RALGAPA2: variants seen among roughly 807,000 people sequenced by gnomAD.
RALGAPA2 encodes ral GTPase-activating protein subunit alpha-2.
In RALGAPA2, 139 loss-of-function variants were observed where a neutral mutation model predicts 230.4. The ratio of observed to expected loss-of-function variants is 0.60; its 90% CI spans 0.53 to 0.69. RALGAPA2 has a LOEUF of 0.69. RALGAPA2 is among the 30% of genes least tolerant of loss of function. The pLI, the probability that RALGAPA2 is intolerant of heterozygous loss-of-function variation, is 0.00. For synonymous variants in RALGAPA2, 847 were observed against 837.8 expected (o/e 1.01, Z -0.19); for missense variants, 2,163 against 2,276.0 (o/e 0.95, Z 1.01).
chr20:20,450,427 G>A (rs966666506), intron 37 of RALGAPA2, among the ~76,000 whole-genome samples: 1 of 152,196 alleles, frequency 6.6e-6, no homozygotes, highest in Non-Finnish European at 1.5e-5. Flanking sequence ...GGTTTAAAAG[G>A]CTAGGATTCA....
At chr20:20,524,684 A>C (rs2063147561) in intron 29 of RALGAPA2, 141 bp from the exon 30 acceptor site, 11 of 1,300,550 alleles carry the variant, frequency 8.5e-6, no homozygotes, top group Non-Finnish European at 1.2e-5. Context: ...AAATAAATAA[A>C]TAAGTAGCAT....
intron 24 of RALGAPA2, among the ~76,000 whole-genome samples, chr20:20,543,893 T>G (rs2063712923): frequency 1.3e-5 from 2 of 149,750 alleles, no homozygotes; most frequent in South Asian, 4.2e-4. Context: ...AAAAATAAAA[T>G]AAAATTAAAA....
rs1463990082 is a variant in RALGAPA2, at chr20:20,563,990, CCTTT to C, written c.3156+7464_3156+7467del. On this transcript the variant is annotated intron_variant, in intron 23 of 39. Transcript: ENST00000202677. ...TGCCCCTGGGCTATTATAATAATTT[CCTTT>C]CTGTGTTTGTTGTCATCATTCTTTC... is the stretch of plus-strand genomic sequence containing the variant. 3.3e-5 allele frequency among the ~76,000 whole-genome samples: 5 copies of C among 152,116 alleles called. No individual in the cohort carries two copies. In the East Asian group the frequency reaches 9.6e-4, roughly 29 times the overall value.
At chr20:20,694,793 G>A (rs2069047808) in intron 1 of RALGAPA2, among the ~76,000 whole-genome samples, 1 of 152,176 alleles carries the variant, frequency 6.6e-6, no homozygotes. Context: ...AGGGAAGAGA[G>A]AGAGAAAGGA....
At chr20:20,584,623 T>C (rs1306949018) in intron 19 of RALGAPA2, among the ~76,000 whole-genome samples, 1 of 152,010 alleles carries the variant, frequency 6.6e-6, no homozygotes, top group Non-Finnish European at 1.5e-5. Flanking sequence ...CTATAAAAAA[T>C]AGAAAAATCA....
chr20:20,431,243 G>A (rs1363181157), intron 37 of RALGAPA2, among the ~76,000 whole-genome samples: 1 of 152,230 alleles, frequency 6.6e-6, no homozygotes, highest in Non-Finnish European at 1.5e-5. Flanking sequence ...GGACTGGAGA[G>A]AGGCCGGAGT....
At chr20:20,410,653 TTAGA>T (rs1394929330) in intron 38 of RALGAPA2, among the ~76,000 whole-genome samples, 1 of 152,238 alleles carries the variant, frequency 6.6e-6, no homozygotes, top group Admixed American at 6.5e-5. Context: ...TGTTTTTGTC[TTAGA>T]TAGAATGTTG....
chr20:20,431,219 C>T (rs1412524075), intron 37 of RALGAPA2, among the ~76,000 whole-genome samples: 1 of 152,150 alleles, frequency 6.6e-6, no homozygotes, highest in Non-Finnish European at 1.5e-5. Context: ...GAACACAGGG[C>T]TCCTTAAGAA....
chr20:20,595,637 G>A (rs1193174630), intron 16 of RALGAPA2, among the ~76,000 whole-genome samples: 1 of 152,154 alleles, frequency 6.6e-6, no homozygotes. Flanking sequence ...ATTGATAAAT[G>A]TTTTAACCTA....
At chr20:20,702,641 G>C (rs2069431150) in intron 1 of RALGAPA2, among the ~76,000 whole-genome samples, 1 of 152,164 alleles carries the variant, frequency 6.6e-6, no homozygotes, top group Admixed American at 6.5e-5. Context: ...TAGATTCAGG[G>C]AGCAGCAGCT....
chr20:20,474,102 G>C (rs532319245), intron 36 of RALGAPA2, among the ~76,000 whole-genome samples: 1 of 152,122 alleles, frequency 6.6e-6, no homozygotes, highest in South Asian at 2.1e-4. Flanking sequence ...TTTTGGGAGG[G>C]GTCTCCAGTT....
chr20:20,449,403 G>A (rs1408523213), intron 37 of RALGAPA2, among the ~76,000 whole-genome samples: 1 of 152,208 alleles, frequency 6.6e-6, no homozygotes, highest in African/African-American at 2.4e-5. Context: ...CCTGGCCATG[G>A]AAATGAAGGG....
At chr20:20,476,117 G>A (rs1163814616) in intron 36 of RALGAPA2, among the ~76,000 whole-genome samples, 1 of 152,110 alleles carries the variant, frequency 6.6e-6, no homozygotes, top group African/African-American at 2.4e-5. Flanking sequence ...TTCATGGACT[G>A]GAAGTTTCAA....
chr20:20,537,304 A>G (rs1252220246), intron 24 of RALGAPA2, among the ~76,000 whole-genome samples: 1 of 152,126 alleles, frequency 6.6e-6, no homozygotes, highest in East Asian at 1.9e-4. Context: ...TTATTTGCCC[A>G]GTGTTAGGAT....
At chr20:20,598,792 C>T (rs1478815672) in intron 16 of RALGAPA2, 1 of 456,420 alleles carries the variant, frequency 2.2e-6, no homozygotes, top group South Asian at 1.6e-5. Context: ...AAGGTGGACA[C>T]AGTTGCTGAT....
At chr20:20,634,195 T>C (rs1326369250) in intron 9 of RALGAPA2, among the ~76,000 whole-genome samples, 43 of 152,142 alleles carry the variant, frequency 2.8e-4, no homozygotes, top group Non-Finnish European at 2.9e-5. Flanking sequence ...GTTCAATTAT[T>C]CTCATTCTCT....
intron 31 of RALGAPA2, among the ~76,000 whole-genome samples, chr20:20,513,733 G>C (rs1403041404): frequency 1.3e-5 from 2 of 152,176 alleles, no homozygotes; most frequent in African/African-American, 4.8e-5. Context: ...AAAGACACCA[G>C]AAAAAGCTGC....
intron 37 of RALGAPA2, among the ~76,000 whole-genome samples, chr20:20,432,691 A>G (rs1009033768): frequency 3.5e-4 from 54 of 152,204 alleles, no homozygotes; most frequent in African/African-American, 1.0e-3. Flanking sequence ...CTATACATAC[A>G]TGGGAAAACA....
At chr20:20,494,177 T>C (rs2062140257) in intron 36 of RALGAPA2, among the ~76,000 whole-genome samples, 1 of 152,234 alleles carries the variant, frequency 6.6e-6, no homozygotes, top group Non-Finnish European at 1.5e-5. Flanking sequence ...TTTAACCCTT[T>C]AGATTAGGTC....
Sources: gnomAD v4.1 joint callset for allele counts (sites outside exome capture counted in the v4.1 genomes callset) on GRCh38, gnomAD v4.1.1 for gene constraint, MANE v1.5 for transcripts, NCBI Gene and HGNC (gene_info 2026-07-23, HGNC 2026-07-21) for gene names.